ATAT1: variants seen among roughly 807,000 people sequenced by gnomAD.
ATAT1 encodes alpha-tubulin N-acetyltransferase 1.
Under a neutral mutation model 57.2 loss-of-function variants are expected in ATAT1, and 42 were observed. That is an observed-to-expected ratio of 0.73 (90% CI 0.57 to 0.95). The LOEUF is 0.95. ATAT1 is among the 40% of genes least tolerant of loss of function. The pLI, the probability that ATAT1 is intolerant of heterozygous loss-of-function variation, is 0.00. For missense variants in ATAT1, 454 were observed against 523.7 expected (o/e 0.87, Z 1.30); for synonymous variants, 168 against 187.1 (o/e 0.90, Z 0.83).
At chr6:30,633,649 G>A in intron 6 of ATAT1, 1 of 199,306 alleles carries the variant, frequency 5.0e-6, no homozygotes, top group Non-Finnish European at 1.2e-5. Context: ...AGGCAGTTGT[G>A]GACACAAGCT....
intron 12 of ATAT1, 118 bp from the exon 13 acceptor site, chr6:30,646,351 A>G: frequency 6.9e-7 from 1 of 1,447,252 alleles, no homozygotes; most frequent in Non-Finnish European, 9.1e-7. Context: ...TAATGGTTCC[A>G]GCTTCATACC....
rs1761935184 is a variant in ATAT1, at chr6:30,627,505, C to A, written c.117C>A (p.Gly39=). 4 of 1,613,258 alleles carry A rather than the reference C, an allele frequency of 2.5e-6. No homozygotes were observed. The highest frequency in any genetic ancestry group is 2.5e-6 in the Non-Finnish European group (3 of 1,179,806). The change falls in exon 2 of 13, where the codon GGC becomes GGA. Residue 39 remains glycine, a synonymous_variant. Coordinates refer to ENST00000330083, the MANE Select transcript of ATAT1 (RefSeq NM_001031722.4). ...TTATGACCATTATAGATGAACTGGG[C>A]AAGGCTTCTGCCAAGGTACTGGAGA... is the stretch of plus-strand genomic sequence containing the variant.
At chr6:30,644,753 T>C (rs1766324359) in intron 10 of ATAT1, 2 of 583,250 alleles carry the variant, frequency 3.4e-6, no homozygotes, top group Admixed American at 1.3e-4. Flanking sequence ...CATTTCTCAC[T>C]TCTGAGATCT....
rs1281337237 is a variant in ATAT1, at chr6:30,627,641, G to T, written c.138G>T (p.Gln46His). The T allele has an allele frequency of 6.2e-7, 1 of 1,613,018 alleles. No homozygotes were observed. Among genetic ancestry groups the T allele is most frequent in the East Asian group, 2.2e-5 (1 of 44,888 alleles). The stretch of plus-strand genomic sequence containing the variant: ...TGACTTAATCTTCCCTGCAGGCCCA[G>T]AATCTTTCCGCTCCTATCACTAGTG... Residue 46 changes from glutamine (Q) to histidine (H), a missense_variant, in exon 3 of 13, where the codon CAG becomes CAT. This residue lies in a region of ATAT1 where 236 missense variants were observed against 284.5 expected (regional missense o/e 0.83). Transcript: ENST00000330083.
intron 8 of ATAT1, chr6:30,641,729 T>A: frequency 1.0e-6 from 1 of 978,330 alleles, no homozygotes; most frequent in Non-Finnish European, 1.2e-6. Flanking sequence ...CTTCCAAACC[T>A]CCCCTGACCT....
At chr6:30,643,122 TGGG>T in intron 10 of ATAT1, 111 bp downstream of exon 10, 1 of 1,510,074 alleles carries the variant, frequency 6.6e-7, no homozygotes, top group Non-Finnish European at 8.8e-7. Flanking sequence ...ATGGGTGGCT[TGGG>T]GGGGGTCCTG....
rs879915227 is a variant in ATAT1 at position 30,641,711 on chromosome 6, G to A, written c.617-465G>A. ...CATTTTCGTATAGGAAGGAGAGATT[G>A]TGCCCTCCTTCCAAACCTCCCCTGA... On this transcript the variant is annotated intron_variant, in intron 8 of 12. Transcript: ENST00000330083. 1.2e-5 allele frequency: 10 copies of A among 853,840 alleles called. No individual in the cohort carries two copies. In the Admixed American group the frequency reaches 2.5e-4, roughly 21 times the overall value. The allele number at this position is 853,840 out of a possible 1,614,324, so 52.9% of individuals were successfully genotyped here.
intron 8 of ATAT1, among the ~76,000 whole-genome samples, chr6:30,641,137 A>AC (rs41268162): frequency 3.9e-5 from 6 of 152,020 alleles, no homozygotes; most frequent in East Asian, 3.9e-4. Flanking sequence ...ACACACACAC[A>AC]AACACACTTA....
intron 6 of ATAT1, among the ~76,000 whole-genome samples, chr6:30,637,349 C>A (rs1764326038): frequency 6.6e-6 from 1 of 151,780 alleles, no homozygotes; most frequent in Non-Finnish European, 1.5e-5. Flanking sequence ...GAACCCATAG[C>A]CATTTGCACC....
intron 10 of ATAT1, 53 bp from the exon 11 acceptor site, chr6:30,645,842 A>C: frequency 1.5e-6 from 2 of 1,325,990 alleles, no homozygotes; most frequent in East Asian, 2.6e-5. Context: ...CTCCATACCC[A>C]CCCATCTTTC....
At chr6:30,628,639 A>G (rs961489088) in intron 6 of ATAT1, among the ~76,000 whole-genome samples, 3 of 150,954 alleles carry the variant, frequency 2.0e-5, no homozygotes, top group Admixed American at 1.3e-4. Flanking sequence ...GAGTCTCGCC[A>G]TGCTGCCCAG....
chr6:30,642,513 C>T lies in ATAT1; in HGVS notation c.689-255C>T, dbSNP rs566834285. On this transcript the variant is annotated intron_variant, in intron 9 of 12. Transcript: ENST00000330083. Reference sequence around the variant, plus strand: ...CAAAAATTAGCTGGGCACGGTGGCACGTGCCTGTAATCCCAGCTACTTGGG... The same window carrying T: ...CAAAAATTAGCTGGGCACGGTGGCATGTGCCTGTAATCCCAGCTACTTGGG... 3.6e-3 allele frequency among the ~76,000 whole-genome samples: 547 copies of T among 152,100 alleles called. 1 individual carries two copies. The highest frequency in any genetic ancestry group is 3.7e-3 in the Non-Finnish European group (251 of 67,966).
At chr6:30,645,818 C>A in intron 10 of ATAT1, 77 bp from the exon 11 acceptor site, 3 of 1,054,944 alleles carry the variant, frequency 2.8e-6, no homozygotes, top group East Asian at 2.8e-5. Context: ...CCTTTTACTC[C>A]TCTCCTCTGA....
rs1325395145 is a variant in ATAT1, at chr6:30,642,107, G to A, written c.617-69G>A. ...AGCAGAGGTTTGGGGTTGGGGTATA[G>A]TGGCTGGGAGGAGGGGTGCAAAGTA... On this transcript the variant is annotated intron_variant, in intron 8 of 12. Coordinates refer to ENST00000330083, the MANE Select transcript of ATAT1 (RefSeq NM_001031722.4). 4.4e-6 allele frequency: 7 copies of A among 1,609,038 alleles called. No homozygotes were observed. The Admixed American group carries it at 8.4e-5, about 19-fold the overall frequency.
At position 30,646,738 on chromosome 6, in the gene ATAT1, C is replaced by A; in HGVS notation, c.*95C>A. 1 of 1,380,340 alleles carries A rather than the reference C, an allele frequency of 7.2e-7. No homozygotes were observed. The highest frequency in any genetic ancestry group is 9.5e-7 in the Non-Finnish European group (1 of 1,048,618). 85.5% of individuals were successfully genotyped at this position (1,380,340 alleles called of 1,614,324 possible). On this transcript the variant is annotated 3_prime_UTR_variant, in exon 13 of 13. Coordinates refer to ENST00000330083, the MANE Select transcript of ATAT1 (RefSeq NM_001031722.4). ...CTCATAATAGATGGATACATTCATT[C>A]ATTCATTCATTCAGCAGGCTTATCA... is the stretch of plus-strand genomic sequence containing the variant.
chr6:30,640,322 T>A, intron 6 of ATAT1, 55 bp from the exon 7 acceptor site: 1 of 1,580,444 alleles, frequency 6.3e-7, no homozygotes. Context: ...TTTCTCAGAA[T>A]GTATCCCCAT....
intron 6 of ATAT1, among the ~76,000 whole-genome samples, chr6:30,638,196 A>C (rs1421474382): frequency 6.6e-6 from 1 of 151,166 alleles, no homozygotes; most frequent in African/African-American, 2.4e-5. Flanking sequence ...CTAATTTTTA[A>C]AAATATTTTT....
chr6:30,641,037 GATA>G (rs1302910904), intron 8 of ATAT1, among the ~76,000 whole-genome samples: 1 of 151,970 alleles, frequency 6.6e-6, no homozygotes, highest in Non-Finnish European at 1.5e-5. Context: ...TTTCCAACCA[GATA>G]ATGAAATTGA....
At chr6:30,646,217 AC>A in intron 12 of ATAT1, 108 bp downstream of exon 12, 1 of 1,496,858 alleles carries the variant, frequency 6.7e-7, no homozygotes, top group Non-Finnish European at 8.9e-7. Context: ...TGAACTGGAC[AC>A]CAGCTCCTCC....
Sources: allele counts gnomAD v4.1 joint callset (sites outside exome capture counted in the v4.1 genomes callset), GRCh38; gene constraint gnomAD v4.1.1; regional missense constraint gnomAD v4.1.1; transcripts MANE v1.5; gene names NCBI Gene and HGNC (gene_info 2026-07-23, HGNC 2026-07-21).